FRMD4A: variants seen among roughly 807,000 people sequenced by gnomAD.
FRMD4A encodes FERM domain containing 4A.
In FRMD4A, 29 loss-of-function variants were observed where a neutral mutation model predicts 129.1. That is an observed-to-expected ratio of 0.22 (90% CI 0.17 to 0.31). The LOEUF (loss-of-function observed/expected upper bound fraction) is 0.31, where lower values mean the gene tolerates loss of function less well. Ranked by LOEUF, FRMD4A falls within the 10% of genes least tolerant of loss-of-function variation. FRMD4A has a pLI of 1.00. For missense variants in FRMD4A, 1,272 were observed against 1,375.8 expected (o/e 0.92, Z 1.19); for synonymous variants, 634 against 571.6 (o/e 1.11, Z -1.56).
chr10:13,719,848 A>G (rs1405321180), intron 12 of FRMD4A, among the ~76,000 whole-genome samples: 3 of 152,166 alleles, frequency 2.0e-5, no homozygotes, highest in Non-Finnish European at 4.4e-5. Context: ...CCAGCAATTC[A>G]CTCAAGATAT....
chr10:14,232,487 A>G (rs1299256259), intron 2 of FRMD4A, among the ~76,000 whole-genome samples: 1 of 152,196 alleles, frequency 6.6e-6, no homozygotes, highest in Non-Finnish European at 1.5e-5. Context: ...ATAGTTTGAT[A>G]AAAATAGCTG....
At chr10:14,020,136 C>T (rs975347316) in intron 2 of FRMD4A, among the ~76,000 whole-genome samples, 4 of 152,218 alleles carry the variant, frequency 2.6e-5, no homozygotes, top group African/African-American at 7.2e-5. Context: ...CCGTCTTGTG[C>T]TCTTGGCATT....
intron 2 of FRMD4A, among the ~76,000 whole-genome samples, chr10:14,162,178 G>A (rs1274585387): frequency 6.6e-6 from 1 of 151,928 alleles, no homozygotes; most frequent in African/African-American, 2.4e-5. Context: ...CACATCTCAA[G>A]GCAGACTGGT....
intron 2 of FRMD4A, among the ~76,000 whole-genome samples, chr10:14,208,896 T>TTC (rs1377955047): frequency 2.0e-5 from 3 of 152,164 alleles, no homozygotes; most frequent in Non-Finnish European, 2.9e-5. Context: ...CCTGAACTTT[T>TTC]TCCCCTCCCA....
chr10:13,897,936 CAAAAAAAAAAA>C (rs36021849), intron 2 of FRMD4A, among the ~76,000 whole-genome samples: 1 of 72,360 alleles, frequency 1.4e-5, no homozygotes, highest in Non-Finnish European at 2.9e-5. Context: ...GACTCCGACT[CAAAAAAAAAAA>C]AAAAAAAAGC....
chr10:14,264,972 G>A (rs989975121), intron 2 of FRMD4A, among the ~76,000 whole-genome samples: 6 of 152,096 alleles, frequency 3.9e-5, no homozygotes, highest in South Asian at 2.1e-4. Context: ...TAGTAGAGAC[G>A]GGGGTTTCAC....
rs1554758175 is a variant in FRMD4A, at chr10:14,102,782, A to AAT, written c.45+227275_45+227276insAT. On this transcript the variant is annotated intron_variant, in intron 2 of 24. Coordinates refer to ENST00000357447, the MANE Select transcript of FRMD4A (RefSeq NM_018027.5). ...TTGAAGATAGTGAGAAAAAAAAAAAAGTCCTGCAGAAATGAATTGCGAAGA... is the reference window on the plus strand; with the variant it reads ...TTGAAGATAGTGAGAAAAAAAAAAAAATGTCCTGCAGAAATGAATTGCGAAGA... Among the ~76,000 whole-genome samples the AAT allele has an allele frequency of 4.6e-5, 7 of 151,168 alleles. 1 individual carries two copies. Among genetic ancestry groups the AAT allele is most frequent in the South Asian group, 4.2e-4 (2 of 4,764 alleles).
chr10:14,086,502 C>T (rs1252036426), intron 2 of FRMD4A, among the ~76,000 whole-genome samples: 2 of 152,144 alleles, frequency 1.3e-5, no homozygotes, highest in East Asian at 1.9e-4. Flanking sequence ...GGATTATTTC[C>T]CACTAACAGA....
chr10:14,269,253 A>G (rs1845079446), intron 2 of FRMD4A, among the ~76,000 whole-genome samples: 1 of 152,214 alleles, frequency 6.6e-6, no homozygotes, highest in Admixed American at 6.5e-5. Flanking sequence ...GTTGTATTTG[A>G]AACTGGCTGC....
chr10:13,792,039 G>T (rs1003518408), intron 5 of FRMD4A, among the ~76,000 whole-genome samples: 2 of 152,110 alleles, frequency 1.3e-5, no homozygotes, highest in African/African-American at 4.8e-5. Flanking sequence ...CTCCAGTGTG[G>T]TATTTCCAAG....
rs184148353 is a variant in FRMD4A at position 14,109,895 on chromosome 10, C to T, written c.45+220163G>A. On this transcript the variant is annotated intron_variant, in intron 2 of 24. Transcript: ENST00000357447. ...GTTGAGGCAGGAGAATCGCTTGAACCGGGAGGCAGAGGTTGCAGTCAGCCA... is the reference window on the plus strand; with the variant it reads ...GTTGAGGCAGGAGAATCGCTTGAACTGGGAGGCAGAGGTTGCAGTCAGCCA... Among the ~76,000 whole-genome samples, 734 of 151,106 alleles carry T rather than the reference C, an allele frequency of 4.9e-3. 6 individuals are homozygous for T. Among genetic ancestry groups the T allele is most frequent in the Non-Finnish European group, 6.8e-3 (464 of 67,860 alleles).
At chr10:13,733,087 CTT>C (rs1289103132) in intron 12 of FRMD4A, among the ~76,000 whole-genome samples, 2 of 152,238 alleles carry the variant, frequency 1.3e-5, no homozygotes, top group African/African-American at 2.4e-5. Context: ...TGAAGACAGA[CTT>C]TTGGCTTAGG....
chr10:13,764,669 T>A (rs766891266), intron 6 of FRMD4A, among the ~76,000 whole-genome samples: 19 of 152,192 alleles, frequency 1.2e-4, no homozygotes, highest in Non-Finnish European at 2.4e-4. Context: ...CTGGAGTCCA[T>A]CAGCATGCCA....
chr10:14,151,135 G>C (rs569880851), intron 2 of FRMD4A, among the ~76,000 whole-genome samples: 39 of 152,246 alleles, frequency 2.6e-4, no homozygotes, highest in African/African-American at 9.2e-4. Context: ...TCTGTCCACT[G>C]CAGGGACAGC....
intron 2 of FRMD4A, among the ~76,000 whole-genome samples, chr10:13,902,207 A>G (rs1405619727): frequency 6.6e-6 from 1 of 151,938 alleles, no homozygotes; most frequent in Non-Finnish European, 1.5e-5. Flanking sequence ...ATTTTTTTGT[A>G]AAGATGGGGT....
At chr10:14,309,719 G>C (rs1846474953) in intron 2 of FRMD4A, among the ~76,000 whole-genome samples, 1 of 151,948 alleles carries the variant, frequency 6.6e-6, no homozygotes, top group Admixed American at 6.5e-5. Context: ...CACCCCTCAG[G>C]CTCCGTATGC....
At chr10:13,675,495 A>T (rs1269599839) in intron 15 of FRMD4A, among the ~76,000 whole-genome samples, 1 of 152,120 alleles carries the variant, frequency 6.6e-6, no homozygotes, top group East Asian at 1.9e-4. Context: ...TCCGCCTCCC[A>T]GGTTCAAGTG....
At chr10:13,704,814 T>C (rs1351864650) in intron 13 of FRMD4A, among the ~76,000 whole-genome samples, 1 of 151,790 alleles carries the variant, frequency 6.6e-6, no homozygotes, top group Non-Finnish European at 1.5e-5. Flanking sequence ...CTCACGCCTG[T>C]AATCCCAGCA....
intron 2 of FRMD4A, among the ~76,000 whole-genome samples, chr10:14,138,882 T>C (rs1219205150): frequency 6.6e-6 from 1 of 152,160 alleles, no homozygotes; most frequent in African/African-American, 2.4e-5. Flanking sequence ...TACAGGAACA[T>C]TTTTCTACTG....
Sources: gnomAD v4.1 joint callset for allele counts (sites outside exome capture counted in the v4.1 genomes callset) on GRCh38, gnomAD v4.1.1 for gene constraint, MANE v1.5 for transcripts, NCBI Gene and HGNC (gene_info 2026-07-23, HGNC 2026-07-21) for gene names.